SGTA: variants seen among roughly 807,000 people sequenced by gnomAD.
The protein encoded by SGTA is small glutamine rich tetratricopeptide repeat co-chaperone alpha, also known as small glutamine-rich tetratricopeptide repeat-containing protein alpha.
A neutral mutation model predicts 44.3 loss-of-function variants in SGTA; 22 were observed. That is an observed-to-expected ratio of 0.50 (90% CI 0.36 to 0.71). The LOEUF is 0.71. Ranked by LOEUF, SGTA falls within the 30% of genes least tolerant of loss-of-function variation. The probability of loss-of-function intolerance (pLI) is 0.00; values close to 1 mark genes in which losing one functional copy is unlikely to be tolerated. For synonymous variants in SGTA, 174 were observed against 177.6 expected (o/e 0.98, Z 0.16); for missense variants, 341 against 435.9 (o/e 0.78, Z 1.94).
At chr19:2,766,525 C>A (rs992250761) in intron 4 of SGTA, among the ~76,000 whole-genome samples, 6 of 152,050 alleles carry the variant, frequency 3.9e-5, no homozygotes, top group African/African-American at 1.4e-4. Context: ...CTCCGCCTCC[C>A]AGGTTCAAGC....
chr19:2,782,370 A>G (rs1736188), intron 1 of SGTA, among the ~76,000 whole-genome samples: 56,686 of 152,118 alleles, frequency 0.37, 13,029 homozygotes, highest in East Asian at 0.66. Context: ...CAACCTCTGA[A>G]GGGCACACTA....
intron 1 of SGTA, 89 bp downstream of exon 1, chr19:2,783,144 T>A (rs1915609146): frequency 6.6e-6 from 1 of 152,104 alleles, no homozygotes; most frequent in African/African-American, 2.4e-5. Context: ...GGCCTCACGA[T>A]CCCCAAACTC....
chr19:2,757,876 G>T, intron 9 of SGTA, 94 bp from the exon 10 acceptor site: 1 of 796,028 alleles, frequency 1.3e-6, no homozygotes, highest in Non-Finnish European at 1.9e-6. Context: ...ATCCCTCTCA[G>T]CCCTTCACCT....
intron 7 of SGTA, 114 bp downstream of exon 7, chr19:2,762,392 C>T (rs549222148): frequency 2.3e-5 from 25 of 1,063,936 alleles, no homozygotes; most frequent in Admixed American, 1.9e-4. Flanking sequence ...AAACAAACCC[C>T]GGACCCTCAC....
intron 1 of SGTA, among the ~76,000 whole-genome samples, chr19:2,781,595 A>G (rs1201197466): frequency 6.6e-6 from 1 of 152,134 alleles, no homozygotes; most frequent in Non-Finnish European, 1.5e-5. Flanking sequence ...GGTGGTTACT[A>G]TTATAATCCC....
At chr19:2,757,811 C>A in intron 9 of SGTA, 29 bp from the exon 10 acceptor site, 1 of 1,490,988 alleles carries the variant, frequency 6.7e-7, no homozygotes, top group Non-Finnish European at 9.0e-7. Flanking sequence ...GACTCGCAGC[C>A]GGGACAGCCT....
chr19:2,767,189 C>T lies in SGTA; in HGVS notation c.239G>A (p.Arg80Gln), dbSNP rs757824430. The change falls in exon 4 of 12, where the codon CGA (arginine) becomes CAA (glutamine). Residue 80 changes from arginine (R) to glutamine (Q), a missense_variant. Transcript: ENST00000221566. The surrounding 1 kb of genome is among the most constrained non-coding windows in gnomAD (Gnocchi z 7.3). ...TGAGTCCTCCTCGGAAGGCGGGGTT[C>T]GCGCGGGGCTCCTCAGGTCCTGCGG... ...EMPQDLRSPA[R>Q]TPPSEEDSAE... 6 of 1,612,342 alleles carry T rather than the reference C, an allele frequency of 3.7e-6. No homozygotes were observed. In the Admixed American group the frequency reaches 5.0e-5, roughly 13 times the overall value.
At chr19:2,781,692 A>G (rs1220134284) in intron 1 of SGTA, among the ~76,000 whole-genome samples, 1 of 152,050 alleles carries the variant, frequency 6.6e-6, no homozygotes, top group East Asian at 1.9e-4. Flanking sequence ...GGAGTTCTGA[A>G]CCCAGGCAGT....
chr19:2,775,304 TG>T (rs963847295), intron 1 of SGTA, among the ~76,000 whole-genome samples: 1 of 152,130 alleles, frequency 6.6e-6, no homozygotes, highest in African/African-American at 2.4e-5. Context: ...CTACATGAGG[TG>T]AACAGCCACC....
At chr19:2,775,932 C>T (rs188415123) in intron 1 of SGTA, among the ~76,000 whole-genome samples, 24 of 152,236 alleles carry the variant, frequency 1.6e-4, no homozygotes, top group South Asian at 1.2e-3. Context: ...AAAGCTCCTG[C>T]GGGATGGTAA....
rs2144722590 is a variant in SGTA at position 2,761,501 on chromosome 19, C to T, written c.658G>A (p.Asp220Asn). ...GGGTTGTTCAGCAGGCCGGCGATGT[C>T]GAAGCTGCCCACGCCTCCCGTCTGA... ...PSPTGGVGSFDIAGLLNNPGF... is the reference protein window; with the variant it reads ...PSPTGGVGSFNIAGLLNNPGF... Residue 220 changes from aspartate to asparagine, a missense_variant, in exon 8 of 12, where the codon GAC becomes AAC. Asp to Asn is a conservative substitution (Grantham distance 23). Transcript: ENST00000221566. This position sits in a 1 kb window ranked among gnomAD's most constrained non-coding sequence, Gnocchi z 5.7. 4 of 1,551,520 alleles carry T rather than the reference C, an allele frequency of 2.6e-6. No individual in the cohort carries two copies. The highest frequency in any genetic ancestry group is 3.5e-6 in the Non-Finnish European group (4 of 1,146,898).
At chr19:2,759,355 C>G in intron 8 of SGTA, 61 bp from the exon 9 acceptor site, 1 of 1,500,720 alleles carries the variant, frequency 6.7e-7, no homozygotes, top group Non-Finnish European at 9.3e-7. Context: ...TCTCTTTCAT[C>G]AGACACTTTC....
At chr19:2,780,712 G>A (rs975829014) in intron 1 of SGTA, among the ~76,000 whole-genome samples, 1 of 152,188 alleles carries the variant, frequency 6.6e-6, no homozygotes, top group Non-Finnish European at 1.5e-5. Context: ...GAAAGCCTGC[G>A]ATTGTTGAAA....
chr19:2,771,402 A>G (rs1162147926), intron 1 of SGTA, among the ~76,000 whole-genome samples: 2 of 152,090 alleles, frequency 1.3e-5, no homozygotes, highest in Non-Finnish European at 2.9e-5. Context: ...CCAGCCTGGC[A>G]ACAGAGTGAG....
In SGTA at chr19:2,767,745, G is replaced by A. The variant is rs1599502309; in HGVS notation, c.101-59C>T. 7.4e-7 allele frequency: 1 copy of A among 1,344,166 alleles called. No individual in the cohort carries two copies. Among genetic ancestry groups the A allele is most frequent in the Admixed American group, 1.7e-5 (1 of 58,332 alleles). The allele number at this position is 1,344,166 out of a possible 1,614,324, so 83.3% of individuals were successfully genotyped here. A position where few individuals can be genotyped will look rare whatever the true frequency, so the allele number is the denominator to read the frequency against. ...CACGCAGCCCCGAGGTTACGTTTTT[G>A]GGTCTAGAGGGCGGGGTTGGTGCTC... On this transcript the variant is annotated intron_variant, in intron 2 of 11. Transcript: ENST00000221566. This position sits in a 1 kb window ranked among gnomAD's most constrained non-coding sequence, Gnocchi z 7.3.
intron 7 of SGTA, 99 bp downstream of exon 7, chr19:2,762,407 C>T (rs534877038): frequency 1.6e-6 from 2 of 1,253,500 alleles, no homozygotes; most frequent in East Asian, 2.3e-5. Context: ...CCTCACGACA[C>T]CCAGGTTAAG....
At chr19:2,776,769 G>A (rs1375341649) in intron 1 of SGTA, among the ~76,000 whole-genome samples, 1 of 152,166 alleles carries the variant, frequency 6.6e-6, no homozygotes, top group East Asian at 1.9e-4. Flanking sequence ...AGGAGTTTGA[G>A]ACCAACATGG....
chr19:2,771,106 T>A (rs1398748388), intron 1 of SGTA, among the ~76,000 whole-genome samples: 1 of 152,252 alleles, frequency 6.6e-6, no homozygotes, highest in Non-Finnish European at 1.5e-5. Flanking sequence ...AGCCCAGCGC[T>A]TGGCGCCCTG....
At chr19:2,769,347 C>T (rs1048642174) in intron 1 of SGTA, among the ~76,000 whole-genome samples, 3 of 152,192 alleles carry the variant, frequency 2.0e-5, no homozygotes, top group African/African-American at 4.8e-5. Flanking sequence ...AGAGAACCCG[C>T]GTGCTCCCAG....
Sources: gnomAD v4.1 joint callset for allele counts (sites outside exome capture counted in the v4.1 genomes callset) on GRCh38, gnomAD v4.1.1 for gene constraint, Gnocchi (gnomAD v3.1) non-coding constraint, MANE v1.5 for transcripts, NCBI Gene and HGNC (gene_info 2026-07-23, HGNC 2026-07-21) for gene names.